FGF2: variants seen among roughly 807,000 people sequenced by gnomAD.
FGF2 encodes basic fibroblast growth factor bFGF.
Under a neutral mutation model 15.9 loss-of-function variants are expected in FGF2, and 13 were observed. The observed-to-expected ratio is 0.82, with a 90% confidence interval of 0.53 to 1.30. FGF2 has a LOEUF of 1.30. Ranked by LOEUF, FGF2 falls within the 50% of genes most tolerant of loss-of-function variation. The probability of loss-of-function intolerance (pLI) is 0.00; values close to 1 mark genes in which losing one functional copy is unlikely to be tolerated. For synonymous variants in FGF2, 90 were observed against 78.4 expected, an observed-to-expected ratio of 1.15 and a Z score of -0.78; for missense variants, 163 against 196.9, an observed-to-expected ratio of 0.83 and a Z score of 1.03.
At chr4:122,886,101 A>G (rs1727053009) in intron 2 of FGF2, among the ~76,000 whole-genome samples, 1 of 151,308 alleles carries the variant, frequency 6.6e-6, no homozygotes, top group African/African-American at 2.4e-5. Flanking sequence ...TTTTATTTTT[A>G]GTAGAGATGA....
intron 1 of FGF2, among the ~76,000 whole-genome samples, chr4:122,846,039 G>A (rs1246569529): frequency 6.6e-6 from 1 of 152,202 alleles, no homozygotes; most frequent in African/African-American, 2.4e-5. Context: ...TGAACACTGA[G>A]AGGCCATTGT....
At chr4:122,843,556 A>C (rs996161166) in intron 1 of FGF2, among the ~76,000 whole-genome samples, 1 of 152,202 alleles carries the variant, frequency 6.6e-6, no homozygotes, top group Non-Finnish European at 1.5e-5. Flanking sequence ...GAGTACAGTT[A>C]GGAAATGATT....
At chr4:122,873,371 T>C (rs1726777342) in intron 1 of FGF2, among the ~76,000 whole-genome samples, 1 of 152,278 alleles carries the variant, frequency 6.6e-6, no homozygotes, top group Non-Finnish European at 1.5e-5. Flanking sequence ...TTAGCCCTTC[T>C]GTTCTGTTCC....
At chr4:122,886,456 G>A (rs904507521) in intron 2 of FGF2, among the ~76,000 whole-genome samples, 3 of 152,152 alleles carry the variant, frequency 2.0e-5, no homozygotes, top group Admixed American at 6.5e-5. Flanking sequence ...CCACACTTAA[G>A]AGATGGAGAT....
Position 122,827,427 on chromosome 4 carries a change from AC to A in FGF2, c.178+78del. 6.6e-7 allele frequency: 1 copy of A among 1,523,646 alleles called. No individual in the cohort carries two copies. Among genetic ancestry groups the A allele is most frequent in the Non-Finnish European group, 9.0e-7 (1 of 1,106,250 alleles). 94.4% of individuals were successfully genotyped at this position (1,523,646 alleles called of 1,614,324 possible). ...GCCCGCTCTCTCCCCTCCAGCCTGC[AC>A]CCTCCTCCCGGATCTTCACTGCGAC... On this transcript the variant is annotated intron_variant, in intron 1 of 2. Transcript: ENST00000644866. This position sits in a 1 kb window ranked among gnomAD's most constrained non-coding sequence, Gnocchi z 4.2.
rs780655874 is a variant in FGF2, at chr4:122,893,269, T to C, written c.*873T>C. ...GTACAAATCAATAATAATTACACTT[T>C]TAGAAACTGTATCATCAAAGATTTT... On this transcript the variant is annotated 3_prime_UTR_variant, in exon 3 of 3. Coordinates refer to ENST00000644866, the MANE Select transcript of FGF2 (RefSeq NM_001361665.2). The C allele has an allele frequency of 6.6e-7, 1 of 1,514,790 alleles. No individual in the cohort carries two copies. The highest frequency in any genetic ancestry group is 8.9e-7 in the Non-Finnish European group (1 of 1,129,412). The allele number at this position is 1,514,790 out of a possible 1,614,324, so 93.8% of individuals were successfully genotyped here.
At position 122,893,514 on chromosome 4, in the gene FGF2, C is replaced by A; in HGVS notation, c.*1118C>A. The A allele has an allele frequency of 3.6e-6, 1 of 274,140 alleles. No homozygotes were observed. The allele number at this position is 274,140 out of a possible 1,614,324, so 17.0% of individuals were successfully genotyped here. ...GTCAGCTCTTTTTAACTTCTTGCTG[C>A]TCTTTTTCCCAAAAGGTAAAAATAT... On this transcript the variant is annotated 3_prime_UTR_variant, in exon 3 of 3. Transcript: ENST00000644866.
At chr4:122,829,547 A>G (rs1187786904) in intron 1 of FGF2, among the ~76,000 whole-genome samples, 1 of 152,086 alleles carries the variant, frequency 6.6e-6, no homozygotes, top group Non-Finnish European at 1.5e-5. Context: ...GAGACTACCA[A>G]TTTTTTTAAA....
At chr4:122,856,530 T>G (rs1482276602) in intron 1 of FGF2, among the ~76,000 whole-genome samples, 1 of 152,220 alleles carries the variant, frequency 6.6e-6, no homozygotes, top group African/African-American at 2.4e-5. Context: ...CTTCTTTCTC[T>G]CAAGTAATTT....
intron 1 of FGF2, among the ~76,000 whole-genome samples, chr4:122,862,937 T>C (rs796967792): frequency 1.3e-5 from 2 of 152,250 alleles, no homozygotes; most frequent in African/African-American, 4.8e-5. Flanking sequence ...CTCTAGGGAG[T>C]CATCTCCGGC....
intron 1 of FGF2, among the ~76,000 whole-genome samples, chr4:122,851,204 G>A (rs1317061585): frequency 6.6e-6 from 1 of 152,106 alleles, no homozygotes; most frequent in African/African-American, 2.4e-5. Context: ...CAAAAGAAGA[G>A]GATTAGGACT....
intron 2 of FGF2, among the ~76,000 whole-genome samples, chr4:122,879,581 A>G (rs551853921): frequency 6.6e-6 from 1 of 152,346 alleles, no homozygotes; most frequent in South Asian, 2.1e-4. Flanking sequence ...AGATGCAGTA[A>G]CCTAGTGCAT....
chr4:122,867,195 T>C (rs1372155918), intron 1 of FGF2, among the ~76,000 whole-genome samples: 3 of 152,196 alleles, frequency 2.0e-5, no homozygotes, highest in East Asian at 1.9e-4. Flanking sequence ...GACGAAAATG[T>C]TCTATAATTG....
chr4:122,876,521 C>A, intron 2 of FGF2, 97 bp downstream of exon 2: 1 of 786,640 alleles, frequency 1.3e-6, no homozygotes, highest in Non-Finnish European at 2.2e-6. Context: ...AAGGATTTTA[C>A]GTGTATCATC....
rs550516064 is a variant in FGF2 at position 122,876,723 on chromosome 4, A to T, written c.282+299A>T. ...ACTATTAAGCTATAATTTAAAAAAAATTTTCTTCTATTATGCAGTTGTTTG... is the reference window on the plus strand; with the variant it reads ...ACTATTAAGCTATAATTTAAAAAAATTTTTCTTCTATTATGCAGTTGTTTG... On this transcript the variant is annotated intron_variant, in intron 2 of 2. Coordinates refer to ENST00000644866, the MANE Select transcript of FGF2 (RefSeq NM_001361665.2). 6.8e-4 allele frequency among the ~76,000 whole-genome samples: 103 copies of T among 152,250 alleles called. 1 individual carries two copies. Among genetic ancestry groups the T allele is most frequent in the African/African-American group, 2.4e-3 (100 of 41,540 alleles).
chr4:122,892,621 G>T lies in FGF2; in HGVS notation c.*225G>T, dbSNP rs780912676. 7.0e-7 allele frequency: 1 copy of T among 1,430,846 alleles called. No individual in the cohort carries two copies. The highest frequency in any genetic ancestry group is 2.9e-5 in the Admixed American group (1 of 34,430). The allele number at this position is 1,430,846 out of a possible 1,614,324, so 88.6% of individuals were successfully genotyped here. A position where few individuals can be genotyped will look rare whatever the true frequency, so the allele number is the denominator to read the frequency against. ...TTTATATTGCATCTGCTGTTACCCA[G>T]TGAAGCTTACCTAGAGCAATGATCT... On this transcript the variant is annotated 3_prime_UTR_variant, in exon 3 of 3. Coordinates refer to ENST00000644866, the MANE Select transcript of FGF2 (RefSeq NM_001361665.2).
Position 122,897,709 on chromosome 4 carries a change from C to G in FGF2, c.*5313C>G. 3 of 1,430,170 alleles carry G rather than the reference C, an allele frequency of 2.1e-6. No homozygotes were observed. The highest frequency in any genetic ancestry group is 3.0e-6 in the Non-Finnish European group (3 of 1,012,260). 88.6% of individuals were successfully genotyped at this position (1,430,170 alleles called of 1,614,324 possible). A position where few individuals can be genotyped will look rare whatever the true frequency, so the allele number is the denominator to read the frequency against. ...GTATAAAGTCAGAAAATAAAGTTAA[C>G]ATAACTTTCACTAACACACACATAT... On this transcript the variant is annotated 3_prime_UTR_variant, in exon 3 of 3. Coordinates refer to ENST00000644866, the MANE Select transcript of FGF2 (RefSeq NM_001361665.2).
chr4:122,874,605 T>C (rs1210387547), intron 1 of FGF2, among the ~76,000 whole-genome samples: 1 of 152,164 alleles, frequency 6.6e-6, no homozygotes, highest in Non-Finnish European at 1.5e-5. Context: ...GAATCTTATT[T>C]ATCCTATCCA....
In FGF2 at chr4:122,892,609, T is replaced by A. The variant is rs1727217432; in HGVS notation, c.*213T>A. On this transcript the variant is annotated 3_prime_UTR_variant, in exon 3 of 3. Transcript: ENST00000644866. ...TATATTCTCCCTTTTATATTGCATC[T>A]GCTGTTACCCAGTGAAGCTTACCTA... 2.1e-5 allele frequency: 30 copies of A among 1,435,632 alleles called. No individual in the cohort carries two copies. The highest frequency in any genetic ancestry group is 2.7e-5 in the Non-Finnish European group (30 of 1,099,450). The allele number at this position is 1,435,632 out of a possible 1,614,324, so 88.9% of individuals were successfully genotyped here. A position where few individuals can be genotyped will look rare whatever the true frequency, so the allele number is the denominator to read the frequency against.
Sources: gnomAD v4.1 joint callset for allele counts (sites outside exome capture counted in the v4.1 genomes callset) on GRCh38, gnomAD v4.1.1 for gene constraint, Gnocchi (gnomAD v3.1) non-coding constraint, MANE v1.5 for transcripts, NCBI Gene and HGNC (gene_info 2026-07-23, HGNC 2026-07-21) for gene names.